The following DEAF1 variants were observed in gnomAD, a reference collection of about 807,000 sequenced individuals.
DEAF1 encodes the protein deformed epidermal autoregulatory factor 1 homolog.
In DEAF1, 53 loss-of-function variants were observed where a neutral mutation model predicts 58.9. That is an observed-to-expected ratio of 0.90 (90% CI 0.72 to 1.13). DEAF1 has a LOEUF of 1.13. Among genes scored for constraint, DEAF1 ranks in the 50% most tolerant of loss-of-function variants. The pLI is 0.00. For synonymous variants in DEAF1, 385 were observed against 340.4 expected (o/e 1.13, Z -1.44); for missense variants, 685 against 791.4 (o/e 0.87, Z 1.61).
At chr11:660,925 C>T (rs990270600) in intron 10 of DEAF1, among the ~76,000 whole-genome samples, 1 of 152,222 alleles carries the variant, frequency 6.6e-6, no homozygotes, top group Non-Finnish European at 1.5e-5. Flanking sequence ...GAAGCGGCTG[C>T]TCTGGGGTCT....
At chr11:695,594 T>C (rs2133442565), upstream of DEAF1, 2 of 1,242,688 alleles carry the variant, frequency 1.6e-6, no homozygotes, top group Non-Finnish European at 2.0e-6. Flanking sequence ...ACGAGCCGAA[T>C]GTCCCCGAGG....
Position 694,919 on chromosome 11 carries a change from G to A in DEAF1, c.129C>T (p.Ser43=), listed in dbSNP as rs150822128. 8 of 1,420,880 alleles carry A rather than the reference G, an allele frequency of 5.6e-6. No individual in the cohort carries two copies. In the African/African-American group the frequency reaches 8.8e-5, roughly 16 times the overall value. The allele number at this position is 1,420,880 out of a possible 1,614,324, so 88.0% of individuals were successfully genotyped here. The part of the protein sequence containing the change: ...AGGEAEEPVL[S]RDEDSEEDAD... ...CGTCCTCCTCCGAGTCCTCGTCCCTGCTCAGCACCGGCTCCTCCGCCTCGC... is the reference window on the plus strand; with the variant it reads ...CGTCCTCCTCCGAGTCCTCGTCCCTACTCAGCACCGGCTCCTCCGCCTCGC... Residue 43 remains serine (S), a synonymous_variant, in exon 1 of 12, where the codon AGC becomes AGT. Coordinates refer to ENST00000382409, the MANE Select transcript of DEAF1 (RefSeq NM_021008.4).
intron 1 of DEAF1, chr11:693,360 A>C (rs1860919825): frequency 6.6e-6 from 1 of 152,062 alleles, no homozygotes; most frequent in Admixed American, 6.6e-5. Context: ...TAACCAACCA[A>C]ACAAGCAGCA....
At chr11:695,931 G>C, upstream of DEAF1, 1 of 1,071,640 alleles carries the variant, frequency 9.3e-7, no homozygotes. Context: ...TTCCGCTTTC[G>C]GTGCGCTCAC....
At chr11:683,653 T>C (rs1417368722) in intron 6 of DEAF1, among the ~76,000 whole-genome samples, 3 of 152,218 alleles carry the variant, frequency 2.0e-5, no homozygotes, top group Admixed American at 2.0e-4. Flanking sequence ...CTTGTCTGCA[T>C]CTAAAAAGAA....
At chr11:646,131 C>A (rs977615224) in intron 11 of DEAF1, among the ~76,000 whole-genome samples, 2 of 150,636 alleles carry the variant, frequency 1.3e-5, no homozygotes, top group Admixed American at 6.7e-5. Context: ...TGCGCACCTG[C>A]AATCTCAGCT....
chr11:689,354 C>T (rs904642130), intron 2 of DEAF1, among the ~76,000 whole-genome samples: 3 of 151,126 alleles, frequency 2.0e-5, no homozygotes, highest in Non-Finnish European at 4.4e-5. Context: ...TACACACGCC[C>T]ACCACCACAC....
chr11:664,424 C>G (rs1489512846), intron 10 of DEAF1, among the ~76,000 whole-genome samples: 6 of 151,850 alleles, frequency 4.0e-5, no homozygotes, highest in Admixed American at 3.3e-4. Context: ...GCTATTCACA[C>G]CGAGAGGAGG....
intron 10 of DEAF1, among the ~76,000 whole-genome samples, chr11:673,795 G>T (rs1859935527): frequency 6.6e-6 from 1 of 152,032 alleles, no homozygotes; most frequent in South Asian, 2.1e-4. Flanking sequence ...CTGGGTTTGG[G>T]CTATGAGAAG....
intron 10 of DEAF1, among the ~76,000 whole-genome samples, chr11:672,872 GATAA>G (rs1015472227): frequency 2.0e-5 from 3 of 150,866 alleles, no homozygotes; most frequent in Non-Finnish European, 3.0e-5. Flanking sequence ...TTTTTAAATA[GATAA>G]ATAAATAAAT....
intron 1 of DEAF1, chr11:700,906 C>T (rs1453823792): frequency 3.2e-6 from 2 of 617,820 alleles, no homozygotes; most frequent in African/African-American, 3.7e-5. Context: ...ACAAATAACA[C>T]TGGGGGCATC....
At chr11:699,008 AG>A (rs1156568765), upstream of DEAF1, 6 of 1,216,756 alleles carry the variant, frequency 4.9e-6, no homozygotes, top group South Asian at 2.4e-5. Flanking sequence ...CACTTTGGAG[AG>A]GGGGGTGTTC....
chr11:691,477 G>C (rs754133173), intron 2 of DEAF1, 24 bp downstream of exon 2: 1 of 1,607,950 alleles, frequency 6.2e-7, no homozygotes, highest in Non-Finnish European at 8.5e-7. Flanking sequence ...CCCGCCCTGG[G>C]CTGTGCCCCT....
intron 1 of DEAF1, among the ~76,000 whole-genome samples, chr11:705,706 ACT>A (rs745978749): frequency 4.0e-5 from 6 of 151,808 alleles, no homozygotes; most frequent in Admixed American, 1.3e-4. Flanking sequence ...AAGGGAAGTG[ACT>A]CTGCCCCATG....
In DEAF1 at chr11:679,441, CAG is replaced by C. The variant is rs1432601922; in HGVS notation, c.1126+245_1126+246del. Among the ~76,000 whole-genome samples the C allele has an allele frequency of 5.3e-5, 8 of 152,306 alleles. No individual in the cohort carries two copies. In the East Asian group the frequency reaches 9.6e-4, roughly 18 times the overall value. On this transcript the variant is annotated intron_variant, in intron 8 of 11. Coordinates refer to ENST00000382409, the MANE Select transcript of DEAF1 (RefSeq NM_021008.4). ...GCAGTCAAAAGCAGGAGCCGGCAGA[CAG>C]AGAGTATTTTCAGCTTTGCCAGTTC...
intron 10 of DEAF1, among the ~76,000 whole-genome samples, chr11:671,511 TG>T (rs1296086030): frequency 4.0e-5 from 6 of 151,730 alleles, no homozygotes; most frequent in Admixed American, 3.3e-4. Context: ...TGTGATCCAC[TG>T]TGCCCAGTGA....
rs556721251 is a variant in DEAF1, at chr11:682,668, G to A, written c.871-1579C>T. Among the ~76,000 whole-genome samples, 99 of 152,316 alleles carry A rather than the reference G, an allele frequency of 6.5e-4. 1 individual carries two copies. The highest frequency in any genetic ancestry group is 1.1e-3 in the Non-Finnish European group (75 of 68,024). Reference sequence around the variant, plus strand: ...AATTCTGTTGCATTAGCCGGGTTCTGTGTGGGGGGCAGCAGCCTCTCACTG... The same window carrying A: ...AATTCTGTTGCATTAGCCGGGTTCTATGTGGGGGGCAGCAGCCTCTCACTG... On this transcript the variant is annotated intron_variant, in intron 6 of 11. Coordinates refer to ENST00000382409, the MANE Select transcript of DEAF1 (RefSeq NM_021008.4).
At chr11:687,093 C>T (rs935919772) in intron 4 of DEAF1, 96 bp from the exon 5 acceptor site, 10 of 1,555,822 alleles carry the variant, frequency 6.4e-6, no homozygotes, top group African/African-American at 5.4e-5. Context: ...TCCACCAGCA[C>T]CAGCGCCCCA....
At chr11:701,160 C>T in intron 1 of DEAF1, 1 of 196,000 alleles carries the variant, frequency 5.1e-6, no homozygotes, top group Non-Finnish European at 1.1e-5. Flanking sequence ...TCTAGGGATC[C>T]CCAAGTCTGC....
Sources: gnomAD v4.1 joint callset for allele counts (sites outside exome capture counted in the v4.1 genomes callset) on GRCh38, gnomAD v4.1.1 for gene constraint, MANE v1.5 for transcripts, NCBI Gene and HGNC (gene_info 2026-07-23, HGNC 2026-07-21) for gene names.